Variants in PPP1R14C observed in about 807,000 individuals in gnomAD.
PPP1R14C encodes the protein protein phosphatase 1 regulatory inhibitor subunit 14C.
In PPP1R14C, 16 loss-of-function variants were observed where a neutral mutation model predicts 20.4. The observed-to-expected ratio is 0.78, with a 90% CI of 0.53 to 1.19. The LOEUF is 1.19. PPP1R14C is among the 50% of genes most tolerant of loss of function. The probability of loss-of-function intolerance (pLI) is 0.00; values close to 1 mark genes in which losing one functional copy is unlikely to be tolerated. For synonymous variants in PPP1R14C, 91 were observed against 91.0 expected, an observed-to-expected ratio of 1.00 and a Z score of 0.00; for missense variants, 211 against 220.1, an observed-to-expected ratio of 0.96 and a Z score of 0.26.
rs374196736 is a variant in PPP1R14C at position 150,214,838 on chromosome 6, T to C, written c.390+11T>C. 3.6e-5 allele frequency: 57 copies of C among 1,596,408 alleles called. No homozygotes were observed. Among genetic ancestry groups the C allele is most frequent in the Middle Eastern group, 3.3e-4 (2 of 6,044 alleles). Reference sequence around the variant, plus strand: ...GCTTCAAAATTACAGGTAAGCAGTTTCCAAAATTGAGAACCTTCTAATCAT... The same window carrying C: ...GCTTCAAAATTACAGGTAAGCAGTTCCCAAAATTGAGAACCTTCTAATCAT... On this transcript the variant is annotated intron_variant, in intron 2 of 3. Coordinates refer to ENST00000361131, the MANE Select transcript of PPP1R14C (RefSeq NM_030949.3).
chr6:150,222,765 C>CTTTTTTTTTTTTTTTTTT (rs4038164), intron 3 of PPP1R14C, among the ~76,000 whole-genome samples: 5 of 71,278 alleles, frequency 7.0e-5, no homozygotes, highest in Non-Finnish European at 9.4e-5. Flanking sequence ...TTCAAACTGG[C>CTTTTTTTTTTTTTTTTTT]TTTTTTTTTT....
chr6:150,149,225 G>A (rs540068289), intron 1 of PPP1R14C, among the ~76,000 whole-genome samples: 1 of 152,148 alleles, frequency 6.6e-6, no homozygotes, highest in South Asian at 2.1e-4. Flanking sequence ...ATTCACATGT[G>A]GCCCTGTCAT....
intron 1 of PPP1R14C, among the ~76,000 whole-genome samples, chr6:150,197,283 G>T (rs1034986722): frequency 1.3e-5 from 2 of 152,222 alleles, no homozygotes; most frequent in Admixed American, 6.5e-5. Context: ...CCCTGCACCT[G>T]CCACAGGTCC....
chr6:150,151,027 T>C lies in PPP1R14C; in HGVS notation c.306+7529T>C, dbSNP rs1042970670. Among the ~76,000 whole-genome samples, 7 of 152,210 alleles carry C rather than the reference T, an allele frequency of 4.6e-5. 1 individual carries two copies. ...TCTTCGGGCCCTGGCTCTCTGTTTT[T>C]TTTGTTGTTTGTTTTGTTTTGTTTT... On this transcript the variant is annotated intron_variant, in intron 1 of 3. Coordinates refer to ENST00000361131, the MANE Select transcript of PPP1R14C (RefSeq NM_030949.3).
intron 1 of PPP1R14C, among the ~76,000 whole-genome samples, chr6:150,202,914 A>G (rs955892372): frequency 6.6e-6 from 1 of 152,230 alleles, no homozygotes; most frequent in Admixed American, 6.5e-5. Context: ...CCAAAAACAC[A>G]GAGAATTCTC....
chr6:150,168,105 TTACTTCC>T (rs1777452130), intron 1 of PPP1R14C, among the ~76,000 whole-genome samples: 1 of 120,988 alleles, frequency 8.3e-6, no homozygotes, highest in African/African-American at 3.4e-5. Flanking sequence ...ACTTCCCCTT[TTACTTCC>T]CTCCCCCACT....
chr6:150,207,785 C>A (rs1015906331), intron 1 of PPP1R14C, among the ~76,000 whole-genome samples: 2 of 152,012 alleles, frequency 1.3e-5, no homozygotes, highest in African/African-American at 4.8e-5. Context: ...AAATTTATTT[C>A]TTTTAGTTCT....
chr6:150,147,160 G>C (rs532139142), intron 1 of PPP1R14C, among the ~76,000 whole-genome samples: 1 of 147,058 alleles, frequency 6.8e-6, no homozygotes, highest in East Asian at 2.0e-4. Context: ...TCCAAACCCT[G>C]GTGGGTTTTT....
chr6:150,148,720 C>A (rs1333545913), intron 1 of PPP1R14C, among the ~76,000 whole-genome samples: 1 of 152,146 alleles, frequency 6.6e-6, no homozygotes, highest in African/African-American at 2.4e-5. Flanking sequence ...TAAACAACAA[C>A]AAAACCCCCT....
Position 150,231,140 on chromosome 6 carries a change from A to G in PPP1R14C, c.423+14284A>G, listed in dbSNP as rs534002588. Among the ~76,000 whole-genome samples the G allele has an allele frequency of 3.3e-4, 51 of 152,326 alleles. No individual in the cohort carries two copies. In the South Asian group the frequency reaches 9.3e-3, roughly 28 times the overall value. On this transcript the variant is annotated intron_variant, in intron 3 of 3. Transcript: ENST00000361131. ...CGCCCCTGTGACAGAGCCATGTGGTAGAAACTCCAGGGGGAGAGAAAGGAC... is the reference window on the plus strand; with the variant it reads ...CGCCCCTGTGACAGAGCCATGTGGTGGAAACTCCAGGGGGAGAGAAAGGAC...
chr6:150,186,315 A>C (rs947715060), intron 1 of PPP1R14C, among the ~76,000 whole-genome samples: 1 of 152,248 alleles, frequency 6.6e-6, no homozygotes, highest in African/African-American at 2.4e-5. Flanking sequence ...ATATAATTCC[A>C]CTGTTGGTCT....
intron 3 of PPP1R14C, among the ~76,000 whole-genome samples, chr6:150,232,401 G>T (rs920440153): frequency 1.3e-5 from 2 of 152,262 alleles, no homozygotes; most frequent in Non-Finnish European, 1.5e-5. Context: ...TATCTTTTGT[G>T]TACAGAAGTT....
chr6:150,176,249 G>A (rs916950700), intron 1 of PPP1R14C, among the ~76,000 whole-genome samples: 1 of 152,220 alleles, frequency 6.6e-6, no homozygotes, highest in Non-Finnish European at 1.5e-5. Context: ...GCCAGCCCTG[G>A]AAGGATTCCC....
At chr6:150,188,875 T>G (rs1777709302) in intron 1 of PPP1R14C, among the ~76,000 whole-genome samples, 1 of 151,782 alleles carries the variant, frequency 6.6e-6, no homozygotes, top group Non-Finnish European at 1.5e-5. Context: ...TTATTAATTT[T>G]TTAGACAGAT....
rs1205568563 is a variant in PPP1R14C, at chr6:150,217,584, A to G, written c.423+728A>G. ...GGAAAAAATGTTATGCTTTGTTTAGATATTTATCAAGTGTAATGTATAAAC... is the reference window on the plus strand; with the variant it reads ...GGAAAAAATGTTATGCTTTGTTTAGGTATTTATCAAGTGTAATGTATAAAC... On this transcript the variant is annotated intron_variant, in intron 3 of 3. Coordinates refer to ENST00000361131, the MANE Select transcript of PPP1R14C (RefSeq NM_030949.3). Among the ~76,000 whole-genome samples, 7 of 152,328 alleles carry G rather than the reference A, an allele frequency of 4.6e-5. No individual in the cohort carries two copies. The East Asian group carries it at 9.6e-4, about 21-fold the overall frequency.
At chr6:150,175,644 C>T (rs1431176431) in intron 1 of PPP1R14C, among the ~76,000 whole-genome samples, 1 of 152,172 alleles carries the variant, frequency 6.6e-6, no homozygotes, top group East Asian at 1.9e-4. Flanking sequence ...TGCCCAGGTA[C>T]AGACGGTGGG....
intron 1 of PPP1R14C, among the ~76,000 whole-genome samples, chr6:150,149,112 A>C (rs1251868787): frequency 6.6e-6 from 1 of 152,190 alleles, no homozygotes; most frequent in East Asian, 1.9e-4. Flanking sequence ...TGCCAAAGGA[A>C]GGAAAGAAAA....
At chr6:150,236,066 G>C (rs1778355909) in intron 3 of PPP1R14C, among the ~76,000 whole-genome samples, 1 of 152,190 alleles carries the variant, frequency 6.6e-6, no homozygotes, top group Non-Finnish European at 1.5e-5. Flanking sequence ...AAAGGGAATT[G>C]TGCCCTCCAC....
In PPP1R14C at chr6:150,249,216, C is replaced by T. The variant is rs1044672; in HGVS notation, c.*396C>T. On this transcript the variant is annotated 3_prime_UTR_variant, in exon 4 of 4. Coordinates refer to ENST00000361131, the MANE Select transcript of PPP1R14C (RefSeq NM_030949.3). ...GTAATATTTTTTTTCTTAAGTTGTA[C>T]ATTTGACTCAGCTGTCAAATTTCTC... 1 of 399,180 alleles carries T rather than the reference C, an allele frequency of 2.5e-6. No homozygotes were observed. Among genetic ancestry groups the T allele is most frequent in the African/African-American group, 2.1e-5 (1 of 48,586 alleles). 24.7% of individuals were successfully genotyped at this position (399,180 alleles called of 1,614,324 possible). A position where few individuals can be genotyped will look rare whatever the true frequency, so the allele number is the denominator to read the frequency against.
Sources: gnomAD v4.1 joint callset for allele counts (sites outside exome capture counted in the v4.1 genomes callset) on GRCh38, gnomAD v4.1.1 for gene constraint, MANE v1.5 for transcripts, NCBI Gene and HGNC (gene_info 2026-07-23, HGNC 2026-07-21) for gene names.